MAST1: variants seen among roughly 807,000 people sequenced by gnomAD.
MAST1 encodes the protein microtubule associated serine/threonine kinase 1, also known as microtubule-associated serine/threonine-protein kinase 1.
In MAST1, 40 loss-of-function variants were observed where a neutral mutation model predicts 124.6. The ratio of observed to expected loss-of-function variants is 0.32; its 90% CI spans 0.25 to 0.42. MAST1 has a LOEUF of 0.42. MAST1 is among the 10% of genes least tolerant of loss of function. The pLI, the probability that MAST1 is intolerant of heterozygous loss-of-function variation, is 1.00. For synonymous variants in MAST1, 938 were observed against 939.4 expected, an observed-to-expected ratio of 1.00 and a Z score of 0.03; for missense variants, 1,558 against 2,181.9, an observed-to-expected ratio of 0.71 and a Z score of 5.70.
chr19:12,842,059 GA>G (rs1264192618), intron 3 of MAST1, among the ~76,000 whole-genome samples: 2 of 152,182 alleles, frequency 1.3e-5, no homozygotes, highest in Non-Finnish European at 2.9e-5. Flanking sequence ...GTGTGTGTGT[GA>G]TTGTCACTGT....
rs1296733667 is a variant in MAST1, at chr19:12,843,347, C to T, written c.249-182C>T. ...GGAGACGGATCCTCCCTCCAATTCC[C>T]GGTGCCTGCCTGGAAGAGTCCCTCT... On this transcript the variant is annotated intron_variant, in intron 3 of 25. Transcript: ENST00000251472. This position sits in a 1 kb window ranked among gnomAD's most constrained non-coding sequence, Gnocchi z 4.9. Among the ~76,000 whole-genome samples the T allele has an allele frequency of 2.0e-5, 3 of 152,054 alleles. No homozygotes were observed. The highest frequency in any genetic ancestry group is 2.9e-5 in the Non-Finnish European group (2 of 67,994).
At chr19:12,867,327 T>A in intron 18 of MAST1, 147 bp from the exon 19 acceptor site, 2 of 870,464 alleles carry the variant, frequency 2.3e-6, no homozygotes, top group Admixed American at 4.3e-5. Flanking sequence ...ACTGAAGAAT[T>A]GTAGGTTGGG....
chr19:12,854,342 C>T (rs1272491289), intron 10 of MAST1, among the ~76,000 whole-genome samples: 8 of 152,090 alleles, frequency 5.3e-5, no homozygotes, highest in African/African-American at 1.2e-4. Context: ...AGGCTGGTCT[C>T]GAACTCCTGA....
rs1420481192 is a variant in MAST1, at chr19:12,847,470, C to T, written c.488+20C>T. 3.7e-6 allele frequency: 6 copies of T among 1,613,300 alleles called. No individual in the cohort carries two copies. The Admixed American group carries it at 8.4e-5, about 22-fold the overall frequency. On this transcript the variant is annotated intron_variant, in intron 5 of 25. Coordinates refer to ENST00000251472, the MANE Select transcript of MAST1 (RefSeq NM_014975.3). The surrounding 1 kb of genome is among the most constrained non-coding windows in gnomAD (Gnocchi z 5.5). ...CCTCAGGTGGGCAGGCATCCCTCCT[C>T]CTTCGTACCAAGCTAGTGGTCTTAG...
Position 12,838,516 on chromosome 19 carries a change from C to A in MAST1, c.-57C>A. ...CGCGCGCTTGCTCCCCGCGCCGCCG[C>A]CGCCGCCGCCTCCGCCGCTGCTGCC... On this transcript the variant is annotated 5_prime_UTR_variant, in exon 1 of 26. Coordinates refer to ENST00000251472, the MANE Select transcript of MAST1 (RefSeq NM_014975.3). This position sits in a 1 kb window ranked among gnomAD's most constrained non-coding sequence, Gnocchi z 4.3. 2 of 1,333,746 alleles carry A rather than the reference C, an allele frequency of 1.5e-6. No individual in the cohort carries two copies. The highest frequency in any genetic ancestry group is 2.6e-5 in the Admixed American group (1 of 38,316). The allele number at this position is 1,333,746 out of a possible 1,614,324, so 82.6% of individuals were successfully genotyped here.
rs747946004 is a variant in MAST1 at position 12,873,383 on chromosome 19, GCCGCTCGCTGTCGTCGCTGAA to G, written c.3336_3356del (p.Leu1114_Ser1120del). The G allele has an allele frequency of 2.5e-6, 4 of 1,614,054 alleles. No individual in the cohort carries two copies. Among genetic ancestry groups the G allele is most frequent in the Non-Finnish European group, 3.4e-6 (4 of 1,180,008 alleles). On this transcript the variant is annotated inframe_deletion, in exon 25 of 26. Coordinates refer to ENST00000251472, the MANE Select transcript of MAST1 (RefSeq NM_014975.3). ...AAGCAGTCGAACCTGCTGCATACTA[GCCGCTCGCTGTCGTCGCTGAA>G]CCGCTCGCTGTCATCCAGCGATAGT...
intron 10 of MAST1, among the ~76,000 whole-genome samples, chr19:12,856,818 T>C (rs145152173): frequency 6.6e-6 from 1 of 152,176 alleles, no homozygotes; most frequent in Non-Finnish European, 1.5e-5. Flanking sequence ...ATGAGCAAGA[T>C]AGTAGATATA....
intron 7 of MAST1, among the ~76,000 whole-genome samples, chr19:12,850,220 G>T (rs934373367): frequency 3.9e-5 from 6 of 152,162 alleles, no homozygotes; most frequent in African/African-American, 1.4e-4. Context: ...ATAGCAGGAA[G>T]AGACAGAAGA....
At chr19:12,846,814 G>T (rs1286206777) in intron 4 of MAST1, among the ~76,000 whole-genome samples, 1 of 140,924 alleles carries the variant, frequency 7.1e-6, no homozygotes, top group Non-Finnish European at 1.5e-5. Context: ...GGAGGCGGAG[G>T]TTGCAGTGAG....
intron 22 of MAST1, among the ~76,000 whole-genome samples, chr19:12,870,180 CAAAAAAAA>C (rs35731863): frequency 2.9e-4 from 9 of 30,608 alleles, no homozygotes; most frequent in African/African-American, 6.0e-4. Context: ...GACACCATCT[CAAAAAAAA>C]AAAAAAAAAA....
rs971682847 is a variant in MAST1, at chr19:12,867,936, C to T, written c.2525C>T (p.Thr842Ile). Residue 842 changes from threonine (T) to isoleucine (I), a missense_variant, in exon 20 of 26, where the codon ACT (threonine) becomes ATT (isoleucine). Physicochemically the swap from Thr to Ile is moderately conservative, Grantham distance 89 (BLOSUM62 -1). This residue lies in a region of MAST1 where 287 missense variants were observed against 308.0 expected (regional missense o/e 0.93). Transcript: ENST00000251472. Reference sequence around the variant, plus strand: ...GATGCACGGGCCCCCAAAGAGGAGACTCAAGGGGAAGGCACCTCCAGCGCC... The same window carrying T: ...GATGCACGGGCCCCCAAAGAGGAGATTCAAGGGGAAGGCACCTCCAGCGCC... ...SLDARAPKEE[T>I]QGEGTSSAGD... 1 of 1,586,426 alleles carries T rather than the reference C, an allele frequency of 6.3e-7. No homozygotes were observed. Among genetic ancestry groups the T allele is most frequent in the East Asian group, 2.2e-5 (1 of 44,450 alleles).
In MAST1 at chr19:12,857,415, C is replaced by CT. The variant is rs775653221; in HGVS notation, c.1078-933dup. On this transcript the variant is annotated intron_variant, in intron 10 of 25. Coordinates refer to ENST00000251472, the MANE Select transcript of MAST1 (RefSeq NM_014975.3). ...TAAGCCACTGCACCTGGCCAAGAAT[C>CT]TTTTTTTTTTTTTTGAGACAGAGTC... 1.5e-3 allele frequency among the ~76,000 whole-genome samples: 214 copies of CT among 140,270 alleles called. 1 individual carries two copies. The highest frequency in any genetic ancestry group is 5.0e-3 in the Admixed American group (70 of 13,908). 92.0% of individuals were successfully genotyped at this position (140,270 alleles called of 152,430 possible).
At position 12,865,113 on chromosome 19, in the gene MAST1, A is replaced by G. The variant is rs1048367803; in HGVS notation, c.1573A>G (p.Ser525Gly). Reference protein sequence around the residue: ...DFGLSKMGLMSLTTNLYEGHI... With the variant: ...DFGLSKMGLMGLTTNLYEGHI... ...CGGCCTCTCCAAGATGGGGCTCATG[A>G]GCCTCACCACCAACTTATATGAAGG... The change falls in exon 14 of 26, where the codon AGC becomes GGC. Residue 525 changes from serine (S) to glycine (G), a missense_variant. Around this residue, in one of 10 missense-constraint regions of MAST1, gnomAD observed 145 missense variants for 350.0 expected, o/e 0.41. Coordinates refer to ENST00000251472, the MANE Select transcript of MAST1 (RefSeq NM_014975.3). The surrounding 1 kb of genome is among the most constrained non-coding windows in gnomAD (Gnocchi z 7.1). 2.5e-6 allele frequency: 4 copies of G among 1,613,912 alleles called. No individual in the cohort carries two copies. The African/African-American group carries it at 5.3e-5, about 22-fold the overall frequency.
chr19:12,847,196 A>G lies in MAST1; in HGVS notation c.328-94A>G, dbSNP rs1969903802. The G allele has an allele frequency of 5.1e-6, 4 of 782,450 alleles. No individual in the cohort carries two copies. The highest frequency in any genetic ancestry group is 2.3e-5 in the Admixed American group (1 of 44,122). 48.5% of individuals were successfully genotyped at this position (782,450 alleles called of 1,614,324 possible). ...TCAGGTCCTGATCCTGGCCTTGCCC[A>G]GTGACCCCATCGGCTTTGGGAGTCC... is the stretch of plus-strand genomic sequence containing the variant. On this transcript the variant is annotated intron_variant, in intron 4 of 25. Coordinates refer to ENST00000251472, the MANE Select transcript of MAST1 (RefSeq NM_014975.3). This position sits in a 1 kb window ranked among gnomAD's most constrained non-coding sequence, Gnocchi z 5.5.
intron 7 of MAST1, chr19:12,848,817 G>C (rs8105643): frequency 0.35 from 52,770 of 151,914 alleles, 9,891 homozygotes; most frequent in East Asian, 0.63. Flanking sequence ...AATTAGCTGG[G>C]CGTGGTGGTG....
rs538780185 is a variant in MAST1, at chr19:12,869,360, C to G, written c.3003+65C>G. The G allele has an allele frequency of 5.1e-6, 7 of 1,364,942 alleles. No homozygotes were observed. In the Admixed American group the frequency reaches 1.4e-4, roughly 26 times the overall value. 84.6% of individuals were successfully genotyped at this position (1,364,942 alleles called of 1,614,324 possible). A position where few individuals can be genotyped will look rare whatever the true frequency, so the allele number is the denominator to read the frequency against. On this transcript the variant is annotated intron_variant, in intron 22 of 25. Coordinates refer to ENST00000251472, the MANE Select transcript of MAST1 (RefSeq NM_014975.3). Reference sequence around the variant, plus strand: ...GGTGGTGGGGAAAAGGCCCCTCCAGCTCAAACCAGTTAGCCTGGGTGAGAC... The same window carrying G: ...GGTGGTGGGGAAAAGGCCCCTCCAGGTCAAACCAGTTAGCCTGGGTGAGAC...
In MAST1 at chr19:12,865,995, T is replaced by C; in HGVS notation, c.1922T>C (p.Val641Ala). The C allele has an allele frequency of 6.2e-7, 1 of 1,613,746 alleles. No individual in the cohort carries two copies. The highest frequency in any genetic ancestry group is 8.5e-7 in the Non-Finnish European group (1 of 1,179,936). Reference sequence around the variant, plus strand: ...TCCGTCCCAGGCGGCGCTTTTGAGGTGAAGCAGCACAGTTTCTTTCGAGAC... The same window carrying C: ...TCCGTCCCAGGCGGCGCTTTTGAGGCGAAGCAGCACAGTTTCTTTCGAGAC... ...VRLGAGGAFE[V>A]KQHSFFRDLD... The change falls in exon 17 of 26, where the codon GTG becomes GCG. Residue 641 changes from valine (V) to alanine (A), a missense_variant. Transcript: ENST00000251472. The surrounding 1 kb of genome is among the most constrained non-coding windows in gnomAD (Gnocchi z 7.1).
chr19:12,854,703 G>A (rs1404291094), intron 10 of MAST1, among the ~76,000 whole-genome samples: 4 of 152,172 alleles, frequency 2.6e-5, no homozygotes, highest in Admixed American at 1.3e-4. Flanking sequence ...TAGGATATAC[G>A]TCTAGAGGTG....
Position 12,843,503 on chromosome 19 carries a change from C to A in MAST1, c.249-26C>A. 6.2e-7 allele frequency: 1 copy of A among 1,607,278 alleles called. No homozygotes were observed. Among genetic ancestry groups the A allele is most frequent in the Non-Finnish European group, 8.5e-7 (1 of 1,175,352 alleles). ...TGGGGGACCGCTGGGGCCTTGTGGC[C>A]TCTGAGCACCTTGGCTGGGTTCCAG... On this transcript the variant is annotated intron_variant, in intron 3 of 25. Coordinates refer to ENST00000251472, the MANE Select transcript of MAST1 (RefSeq NM_014975.3). The surrounding 1 kb of genome is among the most constrained non-coding windows in gnomAD (Gnocchi z 4.9).
Sources: gnomAD v4.1 joint callset for allele counts (sites outside exome capture counted in the v4.1 genomes callset) on GRCh38, gnomAD v4.1.1 for gene constraint, gnomAD v4.1.1 regional missense constraint, Gnocchi (gnomAD v3.1) non-coding constraint, MANE v1.5 for transcripts, NCBI Gene and HGNC (gene_info 2026-07-23, HGNC 2026-07-21) for gene names.